Variants in ZC3H12D observed in about 807,000 individuals in gnomAD.
The protein encoded by ZC3H12D is probable ribonuclease ZC3H12D.
A neutral mutation model predicts 24.2 loss-of-function variants in ZC3H12D; 11 were observed. The ratio of observed to expected loss-of-function variants is 0.46; its 90% confidence interval spans 0.29 to 0.75. The LOEUF is 0.75. Ranked by LOEUF, ZC3H12D falls within the 30% of genes least tolerant of loss-of-function variation. ZC3H12D has a pLI of 0.11. For missense variants in ZC3H12D, 740 were observed against 767.7 expected, an observed-to-expected ratio of 0.96 and a Z score of 0.43; for synonymous variants, 333 against 341.8, an observed-to-expected ratio of 0.97 and a Z score of 0.28.
chr6:149,484,525 C>T (rs1776470839), intron 1 of ZC3H12D, among the ~76,000 whole-genome samples: 1 of 152,190 alleles, frequency 6.6e-6, no homozygotes, highest in Admixed American at 6.5e-5. Flanking sequence ...TCTGGTTAAT[C>T]TTTCCCCCAA....
intron 1 of ZC3H12D, among the ~76,000 whole-genome samples, chr6:149,476,948 G>T (rs75697230): frequency 0.011 from 1,669 of 152,036 alleles, 33 homozygotes; most frequent in African/African-American, 0.039. Context: ...GTTGATTGGT[G>T]AATGAATGAA....
intron 2 of ZC3H12D, among the ~76,000 whole-genome samples, chr6:149,465,182 C>A (rs1776131629): frequency 6.6e-6 from 1 of 151,862 alleles, no homozygotes; most frequent in Non-Finnish European, 1.5e-5. Flanking sequence ...GGTGAAACCG[C>A]ATCTTTACTA....
chr6:149,483,441 T>C, intron 1 of ZC3H12D, among the ~76,000 whole-genome samples: 1 of 152,156 alleles, frequency 6.6e-6, no homozygotes, highest in East Asian at 1.9e-4. Context: ...GCTCCAGATC[T>C]CTTTTCAGCC....
chr6:149,464,513 T>G (rs963344803), intron 2 of ZC3H12D, among the ~76,000 whole-genome samples: 16 of 152,162 alleles, frequency 1.1e-4, no homozygotes, highest in Non-Finnish European at 2.2e-4. Flanking sequence ...CCTAGACTCC[T>G]GCAGATCCCT....
chr6:149,455,592 T>TG (rs76878474), intron 4 of ZC3H12D, among the ~76,000 whole-genome samples: 36,413 of 152,058 alleles, frequency 0.24, 4,550 homozygotes, highest in African/African-American at 0.27. Flanking sequence ...CCTGTGGCCC[T>TG]GTGTCCCTCT....
chr6:149,462,096 A>G (rs1776083437), intron 2 of ZC3H12D, 126 bp from the exon 3 acceptor site: 3 of 1,215,602 alleles, frequency 2.5e-6, no homozygotes, highest in Middle Eastern at 2.8e-4. Context: ...GTTTTAGGCC[A>G]GGAGTGGTGG....
Position 149,456,616 on chromosome 6 carries a change from G to GCCCCCCCCCCCCCCCCCCC in ZC3H12D, c.680+49_680+50insGGGGGGGGGGGGGGGGGGG. ...AGGCGTGGCCACTGCCTCGACCCCGGCCCCCCGCCCCGCCGCCCCCCAGGG... is the reference window on the plus strand; with the variant it reads ...AGGCGTGGCCACTGCCTCGACCCCGGCCCCCCCCCCCCCCCCCCCCCCCCCGCCCCGCCGCCCCCCAGGG... On this transcript the variant is annotated intron_variant, in intron 4 of 5. Coordinates refer to ENST00000409806, the MANE Select transcript of ZC3H12D (RefSeq NM_207360.3). This position sits in a 1 kb window ranked among gnomAD's most constrained non-coding sequence, Gnocchi z 4.3. 1.8e-6 allele frequency: 2 copies of GCCCCCCCCCCCCCCCCCCC among 1,130,406 alleles called. No homozygotes were observed. Among genetic ancestry groups the GCCCCCCCCCCCCCCCCCCC allele is most frequent in the Non-Finnish European group, 1.3e-6 (1 of 763,260 alleles). The allele number at this position is 1,130,406 out of a possible 1,614,324, so 70.0% of individuals were successfully genotyped here. A position where few individuals can be genotyped will look rare whatever the true frequency, so the allele number is the denominator to read the frequency against.
At chr6:149,476,591 T>G (rs1431838339) in intron 1 of ZC3H12D, among the ~76,000 whole-genome samples, 1 of 152,118 alleles carries the variant, frequency 6.6e-6, no homozygotes, top group Non-Finnish European at 1.5e-5. Flanking sequence ...GCGTATCGCT[T>G]TAGCCTAGGA....
chr6:149,476,375 G>A (rs1776340759), intron 1 of ZC3H12D, among the ~76,000 whole-genome samples: 1 of 152,112 alleles, frequency 6.6e-6, no homozygotes, highest in African/African-American at 2.4e-5. Flanking sequence ...CATGTGGCAT[G>A]CACCTGTAAT....
chr6:149,481,179 AC>A (rs1009428312), intron 1 of ZC3H12D, among the ~76,000 whole-genome samples: 2 of 150,902 alleles, frequency 1.3e-5, no homozygotes, highest in African/African-American at 4.9e-5. Context: ...AAGCCTTCCC[AC>A]CCCGACAGCC....
rs746532518 is a variant in ZC3H12D, at chr6:149,452,828, G to A, written c.681-106C>T. 14 of 961,008 alleles carry A rather than the reference G, an allele frequency of 1.5e-5. No individual in the cohort carries two copies. The highest frequency in any genetic ancestry group is 2.6e-5 in the East Asian group (1 of 38,092). The allele number at this position is 961,008 out of a possible 1,614,324, so 59.5% of individuals were successfully genotyped here. On this transcript the variant is annotated intron_variant, in intron 4 of 5. Transcript: ENST00000409806. This position sits in a 1 kb window ranked among gnomAD's most constrained non-coding sequence, Gnocchi z 4.0. ...TCCCCAAGAACACCAGGAAGCATTC[G>A]GCCCCGGGCCCACCATCACCCAGCA... is the stretch of plus-strand genomic sequence containing the variant.
intron 1 of ZC3H12D, among the ~76,000 whole-genome samples, chr6:149,475,054 G>A (rs1435333510): frequency 6.6e-6 from 1 of 152,164 alleles, no homozygotes; most frequent in Non-Finnish European, 1.5e-5. Flanking sequence ...AATATGACTG[G>A]TGTCCTTATA....
chr6:149,469,674 C>T (rs1583190141), intron 2 of ZC3H12D, among the ~76,000 whole-genome samples: 1 of 152,292 alleles, frequency 6.6e-6, no homozygotes, highest in East Asian at 1.9e-4. Context: ...ACACACACAG[C>T]CCTACCTTTA....
At chr6:149,474,650 T>C in intron 1 of ZC3H12D, 37 bp from the exon 2 acceptor site, 1 of 1,107,072 alleles carries the variant, frequency 9.0e-7, no homozygotes, top group Non-Finnish European at 1.2e-6. Context: ...AGGTGTTTCC[T>C]GGGCAGACTG....
At chr6:149,469,339 T>C (rs1215712530) in intron 2 of ZC3H12D, among the ~76,000 whole-genome samples, 1 of 152,054 alleles carries the variant, frequency 6.6e-6, no homozygotes, top group Non-Finnish European at 1.5e-5. Flanking sequence ...GCACCTGTAG[T>C]CCCAGCTACT....
At chr6:149,453,319 C>A (rs932280324) in intron 4 of ZC3H12D, among the ~76,000 whole-genome samples, 1 of 151,222 alleles carries the variant, frequency 6.6e-6, no homozygotes, top group African/African-American at 2.4e-5. Flanking sequence ...AAAATGACAG[C>A]CTCCGAGCTT....
At chr6:149,453,496 C>T (rs958651958) in intron 4 of ZC3H12D, among the ~76,000 whole-genome samples, 7 of 151,654 alleles carry the variant, frequency 4.6e-5, no homozygotes, top group South Asian at 4.2e-4. Flanking sequence ...GGCATGGTGG[C>T]GGGCACCTGT....
At position 149,452,793 on chromosome 6, in the gene ZC3H12D, A is replaced by G; in HGVS notation, c.681-71T>C. 1 of 1,367,414 alleles carries G rather than the reference A, an allele frequency of 7.3e-7. No homozygotes were observed. Among genetic ancestry groups the G allele is most frequent in the South Asian group, 1.3e-5 (1 of 79,700 alleles). The allele number at this position is 1,367,414 out of a possible 1,614,324, so 84.7% of individuals were successfully genotyped here. A position where few individuals can be genotyped will look rare whatever the true frequency, so the allele number is the denominator to read the frequency against. On this transcript the variant is annotated intron_variant, in intron 4 of 5. Transcript: ENST00000409806. This position sits in a 1 kb window ranked among gnomAD's most constrained non-coding sequence, Gnocchi z 4.0. ...CCACCAGCACCTGTACAAAGGGAGC[A>G]GGCCCAAGTTCCCCAAGAACACCAG...
At chr6:149,455,894 C>A (rs534018602) in intron 4 of ZC3H12D, among the ~76,000 whole-genome samples, 33 of 145,256 alleles carry the variant, frequency 2.3e-4, no homozygotes, top group African/African-American at 8.5e-4. Flanking sequence ...AGAGCAAGAC[C>A]CTGTCAAAGA....
Sources: allele counts gnomAD v4.1 joint callset (sites outside exome capture counted in the v4.1 genomes callset), GRCh38; gene constraint gnomAD v4.1.1; non-coding constraint Gnocchi (gnomAD v3.1); transcripts MANE v1.5; gene names NCBI Gene and HGNC (gene_info 2026-07-23, HGNC 2026-07-21).